MDGA2: variants seen among roughly 807,000 people sequenced by gnomAD.
The protein encoded by MDGA2 is MAM domain containing glycosylphosphatidylinositol anchor 2, also known as MAM domain-containing glycosylphosphatidylinositol anchor protein 2.
In MDGA2, 40 loss-of-function variants were observed where a neutral mutation model predicts 117.8. The observed-to-expected ratio is 0.34, with a 90% CI of 0.26 to 0.44. The LOEUF is 0.44. MDGA2 is among the 20% of genes least tolerant of loss of function. The pLI, the probability that MDGA2 is intolerant of heterozygous loss-of-function variation, is 1.00. For missense variants in MDGA2, 1,123 were observed against 1,250.6 expected (o/e 0.90, Z 1.54); for synonymous variants, 452 against 439.0 (o/e 1.03, Z -0.37).
At chr14:47,166,032 ACT>A (rs1491258584) in intron 3 of MDGA2, among the ~76,000 whole-genome samples, 4 of 122,132 alleles carry the variant, frequency 3.3e-5, no homozygotes, top group African/African-American at 9.0e-5. Flanking sequence ...AGCACTGTTT[ACT>A]TTTTTTTTTT....
chr14:47,192,246 C>A (rs547810630), intron 3 of MDGA2, among the ~76,000 whole-genome samples: 3 of 152,020 alleles, frequency 2.0e-5, no homozygotes, highest in African/African-American at 4.8e-5. Context: ...TGCCTGTAAG[C>A]CCAGAAAGTG....
At chr14:47,204,349 T>C (rs1885609567) in intron 3 of MDGA2, among the ~76,000 whole-genome samples, 1 of 152,000 alleles carries the variant, frequency 6.6e-6, no homozygotes, top group Admixed American at 6.6e-5. Context: ...AATGTGTTGA[T>C]TTATGCATAT....
intron 3 of MDGA2, among the ~76,000 whole-genome samples, chr14:47,183,225 G>A (rs990630386): frequency 2.1e-4 from 32 of 151,956 alleles, no homozygotes; most frequent in South Asian, 6.2e-4. Context: ...TGGTTCAACC[G>A]CTGGATCTAA....
At chr14:47,440,140 C>T (rs1316903817) in intron 1 of MDGA2, among the ~76,000 whole-genome samples, 1 of 151,998 alleles carries the variant, frequency 6.6e-6, no homozygotes, top group Non-Finnish European at 1.5e-5. Context: ...CATGTGTCGG[C>T]TCCAGTGTCT....
intron 5 of MDGA2, among the ~76,000 whole-genome samples, chr14:47,129,282 C>T (rs1453073132): frequency 2.0e-5 from 3 of 151,346 alleles, no homozygotes; most frequent in Non-Finnish European, 4.4e-5. Context: ...TGATGTTCCC[C>T]TTCCTGTGTC....
chr14:47,506,578 C>A (rs946190160), intron 1 of MDGA2, among the ~76,000 whole-genome samples: 4 of 152,216 alleles, frequency 2.6e-5, no homozygotes, highest in Admixed American at 2.6e-4. Context: ...ACTGCCTCTG[C>A]AACAGTGGCC....
At chr14:47,399,833 A>G (rs979255346) in intron 1 of MDGA2, among the ~76,000 whole-genome samples, 8 of 152,092 alleles carry the variant, frequency 5.3e-5, no homozygotes, top group Non-Finnish European at 7.4e-5. Context: ...AAGCTCTAGG[A>G]TTTTAGAGGA....
At chr14:47,184,968 A>G (rs987078169) in intron 3 of MDGA2, among the ~76,000 whole-genome samples, 2 of 151,418 alleles carry the variant, frequency 1.3e-5, no homozygotes, top group African/African-American at 4.8e-5. Flanking sequence ...GGAATGAAAG[A>G]AAGAAAATGA....
chr14:47,402,814 C>CTATTAAAA (rs1198575247), intron 1 of MDGA2, among the ~76,000 whole-genome samples: 2 of 151,948 alleles, frequency 1.3e-5, no homozygotes, highest in South Asian at 4.1e-4. Flanking sequence ...TAAAAATGTA[C>CTATTAAAA]CCATTAAGTA....
intron 1 of MDGA2, among the ~76,000 whole-genome samples, chr14:47,443,880 T>G (rs1893066539): frequency 6.6e-6 from 1 of 152,158 alleles, no homozygotes; most frequent in African/African-American, 2.4e-5. Context: ...TGTTCTTCAA[T>G]CCTAGGCTTG....
chr14:47,006,381 T>C (rs1483664901), intron 8 of MDGA2, among the ~76,000 whole-genome samples: 1 of 146,554 alleles, frequency 6.8e-6, no homozygotes, highest in Non-Finnish European at 1.5e-5. Context: ...TTAAAAATAT[T>C]ATAATTATAA....
chr14:47,572,907 G>C (rs1896046900), intron 1 of MDGA2, among the ~76,000 whole-genome samples: 1 of 152,116 alleles, frequency 6.6e-6, no homozygotes, highest in Admixed American at 6.6e-5. Flanking sequence ...ACTTTGATTA[G>C]AATTTTAATA....
intron 1 of MDGA2, among the ~76,000 whole-genome samples, chr14:47,500,698 A>C (rs1894381512): frequency 6.6e-6 from 1 of 152,120 alleles, no homozygotes; most frequent in Non-Finnish European, 1.5e-5. Context: ...AATTGATCAA[A>C]ACACATCAGA....
chr14:47,280,971 T>G (rs1594770227), intron 2 of MDGA2, among the ~76,000 whole-genome samples: 1 of 147,636 alleles, frequency 6.8e-6, no homozygotes, highest in Admixed American at 6.8e-5. Flanking sequence ...GTATATATGA[T>G]ATAATAAAAT....
chr14:47,072,359 G>A (rs1017593838), intron 6 of MDGA2, among the ~76,000 whole-genome samples: 14 of 152,184 alleles, frequency 9.2e-5, no homozygotes, highest in Middle Eastern at 3.4e-3. Flanking sequence ...AATATTTTGC[G>A]TTCAATTGTT....
intron 2 of MDGA2, among the ~76,000 whole-genome samples, chr14:47,294,581 T>C (rs1309371600): frequency 6.6e-6 from 1 of 152,196 alleles, no homozygotes; most frequent in East Asian, 1.9e-4. Flanking sequence ...ATATTAATTT[T>C]ATAAAACACA....
rs183634645 is a variant in MDGA2, at chr14:47,577,296, G to A, written c.280+97221C>T. ...TTTTATATAAAAATTAACTCCAGAT[G>A]GGTTAAAGACGTAAATGTAAAACCC... On this transcript the variant is annotated intron_variant, in intron 1 of 16. Transcript: ENST00000399232. Among the ~76,000 whole-genome samples the A allele has an allele frequency of 1.5e-3, 227 of 152,136 alleles. 1 individual carries two copies. The highest frequency in any genetic ancestry group is 3.4e-3 in the Middle Eastern group (1 of 294).
At chr14:46,982,734 A>AAAAAAAAAATAATAAT (rs1449356596) in intron 8 of MDGA2, among the ~76,000 whole-genome samples, 2 of 130,324 alleles carry the variant, frequency 1.5e-5, no homozygotes, top group Non-Finnish European at 3.4e-5. Flanking sequence ...AAAAAAAAAA[A>AAAAAAAAAATAATAAT]AATCATGTCA....
intron 2 of MDGA2, among the ~76,000 whole-genome samples, chr14:47,250,494 G>A (rs77660626): frequency 0.035 from 5,278 of 152,228 alleles, 202 homozygotes; most frequent in East Asian, 0.18. Flanking sequence ...AGAAGGTGAG[G>A]CCTTTGAGAG....
Sources: gnomAD v4.1 joint callset for allele counts (sites outside exome capture counted in the v4.1 genomes callset) on GRCh38, gnomAD v4.1.1 for gene constraint, MANE v1.5 for transcripts, NCBI Gene and HGNC (gene_info 2026-07-23, HGNC 2026-07-21) for gene names.